The following DOK6 variants were observed in gnomAD, a reference collection of about 807,000 sequenced individuals.
DOK6 encodes docking protein 6, also known as downstream of tyrosine kinase 6.
A neutral mutation model predicts 44.0 loss-of-function variants in DOK6; 22 were observed. The ratio of observed to expected loss-of-function variants is 0.50; its 90% CI spans 0.36 to 0.71. The LOEUF is 0.71. Among genes scored for constraint, DOK6 ranks in the 30% least tolerant of loss-of-function variants. The pLI is 0.00. For synonymous variants in DOK6, 166 were observed against 145.5 expected, an observed-to-expected ratio of 1.14 and a Z score of -1.01; for missense variants, 340 against 416.4, an observed-to-expected ratio of 0.82 and a Z score of 1.60.
intron 7 of DOK6, among the ~76,000 whole-genome samples, chr18:69,789,039 G>T (rs924377668): frequency 2.0e-5 from 3 of 152,128 alleles, no homozygotes; most frequent in African/African-American, 7.2e-5. Flanking sequence ...GTTCTTTAAA[G>T]ATAAATGATG....
intron 1 of DOK6, among the ~76,000 whole-genome samples, chr18:69,462,993 T>C (rs976771119): frequency 1.3e-5 from 2 of 152,210 alleles, no homozygotes; most frequent in African/African-American, 4.8e-5. Context: ...CATTTTGAAA[T>C]ATATTTAGTG....
chr18:69,848,219 TTTAA>T lies in DOK6; in HGVS notation c.*6843_*6846del, dbSNP rs528650387. The T allele has an allele frequency of 9.8e-4, 149 of 152,272 alleles. No homozygotes were observed. The highest frequency in any genetic ancestry group is 3.4e-3 in the Middle Eastern group (1 of 294). 9.4% of individuals were successfully genotyped at this position (152,272 alleles called of 1,614,324 possible). A position where few individuals can be genotyped will look rare whatever the true frequency, so the allele number is the denominator to read the frequency against. ...TATATTTGCTTTTTGTAAATCTTTA[TTTAA>T]TTAATTTATATATACTTTGTGAAGT... On this transcript the variant is annotated 3_prime_UTR_variant, in exon 8 of 8. Transcript: ENST00000382713.
chr18:69,723,217 C>A (rs1400719941), intron 5 of DOK6, among the ~76,000 whole-genome samples: 2 of 152,200 alleles, frequency 1.3e-5, no homozygotes, highest in East Asian at 3.9e-4. Flanking sequence ...TAGCACAGCC[C>A]CTGAGAACAA....
intron 3 of DOK6, among the ~76,000 whole-genome samples, chr18:69,646,224 T>C (rs1000627811): frequency 6.6e-6 from 1 of 152,200 alleles, no homozygotes; most frequent in African/African-American, 2.4e-5. Flanking sequence ...TTGTTTTTTC[T>C]TCTTCAGGGA....
chr18:69,684,336 T>A (rs1273248144), intron 4 of DOK6, among the ~76,000 whole-genome samples: 1 of 152,196 alleles, frequency 6.6e-6, no homozygotes, highest in Non-Finnish European at 1.5e-5. Flanking sequence ...CAATGTCAAA[T>A]CTAAATGATC....
intron 1 of DOK6, among the ~76,000 whole-genome samples, chr18:69,556,581 A>G: frequency 6.6e-6 from 1 of 152,210 alleles, no homozygotes; most frequent in Middle Eastern, 3.2e-3. Flanking sequence ...TTGTTTCCAT[A>G]AGGGCAGAAA....
chr18:69,716,072 G>A (rs1035530198), intron 5 of DOK6, among the ~76,000 whole-genome samples: 2 of 152,172 alleles, frequency 1.3e-5, no homozygotes, highest in African/African-American at 4.8e-5. Context: ...CATTTTAGCA[G>A]CTGCGTCCCA....
intron 4 of DOK6, among the ~76,000 whole-genome samples, chr18:69,679,289 A>T (rs1476963416): frequency 6.6e-6 from 1 of 152,252 alleles, no homozygotes; most frequent in Admixed American, 6.5e-5. Flanking sequence ...ATTACTAATA[A>T]CAATACTGTC....
intron 3 of DOK6, among the ~76,000 whole-genome samples, chr18:69,653,015 GACTT>G (rs1272897127): frequency 6.6e-6 from 1 of 152,130 alleles, no homozygotes; most frequent in African/African-American, 2.4e-5. Context: ...GGCTATGGGG[GACTT>G]ACTTTTATCA....
At position 69,421,254 on chromosome 18, in the gene DOK6, GT is replaced by G. The variant is rs1221378736; in HGVS notation, c.66+19949del. 4.6e-5 allele frequency among the ~76,000 whole-genome samples: 7 copies of G among 152,266 alleles called. 1 individual carries two copies. In the East Asian group the frequency reaches 1.3e-3, roughly 29 times the overall value. On this transcript the variant is annotated intron_variant, in intron 1 of 7. Transcript: ENST00000382713. ...GCTGGAGCTTATCAAAGACTACATTGTTTTTGTCTCTGAAAGAACTCTCCAC... is the reference window on the plus strand; with the variant it reads ...GCTGGAGCTTATCAAAGACTACATTGTTTTGTCTCTGAAAGAACTCTCCAC...
intron 4 of DOK6, among the ~76,000 whole-genome samples, chr18:69,687,282 A>G (rs558039396): frequency 6.6e-6 from 1 of 152,216 alleles, no homozygotes; most frequent in African/African-American, 2.4e-5. Flanking sequence ...ATATTTCCTT[A>G]TGTTAATCCA....
chr18:69,697,598 T>C (rs1438062155), intron 4 of DOK6, among the ~76,000 whole-genome samples: 2 of 151,876 alleles, frequency 1.3e-5, no homozygotes, highest in Non-Finnish European at 2.9e-5. Context: ...TTTTACTTCC[T>C]GGAACTTGCA....
At chr18:69,564,465 G>A (rs553829746) in intron 1 of DOK6, 22 bp from the exon 2 acceptor site, 11 of 1,603,538 alleles carry the variant, frequency 6.9e-6, no homozygotes, top group African/African-American at 2.7e-5. Context: ...ATGGATAATG[G>A]GATTCCTTTA....
chr18:69,586,676 C>T (rs1442681430), intron 2 of DOK6, among the ~76,000 whole-genome samples: 3 of 152,162 alleles, frequency 2.0e-5, no homozygotes, highest in Non-Finnish European at 4.4e-5. Flanking sequence ...AACAGGTCAG[C>T]TGTGCTGCTT....
intron 1 of DOK6, among the ~76,000 whole-genome samples, chr18:69,517,143 A>T (rs1981550132): frequency 6.6e-6 from 1 of 152,200 alleles, no homozygotes; most frequent in African/African-American, 2.4e-5. Flanking sequence ...CTTGGTCAAT[A>T]AGTGAGATGT....
intron 3 of DOK6, among the ~76,000 whole-genome samples, chr18:69,657,648 C>T (rs940722879): frequency 1.3e-5 from 2 of 152,156 alleles, no homozygotes; most frequent in African/African-American, 4.8e-5. Context: ...GCTAATAATT[C>T]TTCACCCTTA....
At chr18:69,556,842 G>A (rs1818219140) in intron 1 of DOK6, among the ~76,000 whole-genome samples, 1 of 152,178 alleles carries the variant, frequency 6.6e-6, no homozygotes, top group Non-Finnish European at 1.5e-5. Context: ...ACTCATCAGT[G>A]CGTTAAAGTG....
chr18:69,505,345 A>G (rs1427882171), intron 1 of DOK6, among the ~76,000 whole-genome samples: 1 of 151,960 alleles, frequency 6.6e-6, no homozygotes, highest in Non-Finnish European at 1.5e-5. Context: ...ATCTAATTCC[A>G]TTGACTTGTT....
At chr18:69,785,766 T>C (rs933611651) in intron 7 of DOK6, among the ~76,000 whole-genome samples, 2 of 152,194 alleles carry the variant, frequency 1.3e-5, no homozygotes, top group African/African-American at 4.8e-5. Context: ...ATATTATTCA[T>C]TTCTCAGTTG....
Sources: gnomAD v4.1 joint callset for allele counts (sites outside exome capture counted in the v4.1 genomes callset) on GRCh38, gnomAD v4.1.1 for gene constraint, MANE v1.5 for transcripts, NCBI Gene and HGNC (gene_info 2026-07-23, HGNC 2026-07-21) for gene names.